The following KIF13B variants were observed in gnomAD, a reference collection of about 807,000 sequenced individuals.
KIF13B encodes kinesin family member 13B, also known as kinesin-like protein KIF13B.
A neutral mutation model predicts 222.0 loss-of-function variants in KIF13B; 127 were observed. The ratio of observed to expected loss-of-function variants is 0.57; its 90% confidence interval spans 0.50 to 0.66. The LOEUF (loss-of-function observed/expected upper bound fraction) is 0.66, where lower values mean the gene tolerates loss of function less well. Among genes scored for constraint, KIF13B ranks in the 30% least tolerant of loss-of-function variants. The pLI is 0.00. For synonymous variants in KIF13B, 976 were observed against 919.0 expected (o/e 1.06, Z -1.12); for missense variants, 2,173 against 2,379.0 (o/e 0.91, Z 1.80).
chr8:29,202,076 A>AT (rs1351492233), intron 2 of KIF13B, among the ~76,000 whole-genome samples: 1 of 152,242 alleles, frequency 6.6e-6, no homozygotes, highest in African/African-American at 2.4e-5. Context: ...AGCAACATTG[A>AT]TAAAGTAGAG....
At chr8:29,227,945 T>TA (rs201808288) in intron 2 of KIF13B, among the ~76,000 whole-genome samples, 2 of 151,920 alleles carry the variant, frequency 1.3e-5, no homozygotes, top group Admixed American at 1.3e-4. Context: ...AGCAAGACTT[T>TA]AAAAAAAATT....
chr8:29,154,455 C>T (rs544840124), intron 14 of KIF13B, among the ~76,000 whole-genome samples: 18 of 152,188 alleles, frequency 1.2e-4, no homozygotes, highest in Admixed American at 4.6e-4. Context: ...AAGATTTTGG[C>T]TCTGGGTGGA....
At chr8:29,225,143 AG>A (rs1814962220) in intron 2 of KIF13B, among the ~76,000 whole-genome samples, 2 of 152,334 alleles carry the variant, frequency 1.3e-5, no homozygotes, top group African/African-American at 4.8e-5. Context: ...TTGGAGTTGA[AG>A]CTGTTTCAGA....
Position 29,070,265 on chromosome 8 carries a change from G to A in KIF13B, c.*239C>T. 1 of 567,028 alleles carries A rather than the reference G, an allele frequency of 1.8e-6. No homozygotes were observed. The highest frequency in any genetic ancestry group is 3.1e-5 in the East Asian group (1 of 31,926). 35.1% of individuals were successfully genotyped at this position (567,028 alleles called of 1,614,324 possible). A position where few individuals can be genotyped will look rare whatever the true frequency, so the allele number is the denominator to read the frequency against. ...TCCTAGCATCCCCCAGCCCCTGCGG[G>A]CACCCAGAACCTTCCATCCACCTGA... On this transcript the variant is annotated 3_prime_UTR_variant, in exon 40 of 40. Transcript: ENST00000524189. The surrounding 1 kb of genome is among the most constrained non-coding windows in gnomAD (Gnocchi z 4.1).
chr8:29,090,513 C>T (rs1808248289), intron 37 of KIF13B, among the ~76,000 whole-genome samples: 1 of 152,068 alleles, frequency 6.6e-6, no homozygotes. Flanking sequence ...GTAAGTGTTT[C>T]CAGCATTATG....
At chr8:29,162,517 C>T (rs2130125659) in intron 12 of KIF13B, among the ~76,000 whole-genome samples, 1 of 152,288 alleles carries the variant, frequency 6.6e-6, no homozygotes, top group South Asian at 2.1e-4. Context: ...AAGTGATTCT[C>T]CTTGAAAAAG....
chr8:29,164,542 T>C (rs1007217574), intron 12 of KIF13B, among the ~76,000 whole-genome samples: 1 of 152,208 alleles, frequency 6.6e-6, no homozygotes, highest in Non-Finnish European at 1.5e-5. Flanking sequence ...GTTACTGCCA[T>C]CACCAGTTAC....
chr8:29,147,471 GCT>G lies in KIF13B; in HGVS notation c.1943_1944del (p.Lys648ThrfsTer25). The G allele has an allele frequency of 6.2e-7, 1 of 1,613,176 alleles. No homozygotes were observed. Among genetic ancestry groups the G allele is most frequent in the Non-Finnish European group, 8.5e-7 (1 of 1,179,594 alleles). On this transcript the variant is annotated frameshift_variant, in exon 17 of 40. Transcript: ENST00000524189. LOFTEE classifies it high-confidence loss of function. Reference protein sequence around the residue: ...EQLRRRLSPEKQNCRSMDRFS... With the variant: ...EQLRRRLSPEXQNCRSMDRFS... ...AACCTGTCCATGCTCCGGCAGTTCTGCTTCTCAGGAGACAGCCTTCTCCGGAG... is the reference window on the plus strand; with the variant it reads ...AACCTGTCCATGCTCCGGCAGTTCTGTCTCAGGAGACAGCCTTCTCCGGAG...
intron 2 of KIF13B, among the ~76,000 whole-genome samples, chr8:29,237,032 T>C (rs769680811): frequency 3.9e-5 from 6 of 152,206 alleles, no homozygotes; most frequent in Non-Finnish European, 5.9e-5. Context: ...AGCTTGATAC[T>C]TGGCACACTG....
At chr8:29,129,172 C>G (rs1004007304) in intron 24 of KIF13B, among the ~76,000 whole-genome samples, 2 of 152,092 alleles carry the variant, frequency 1.3e-5, no homozygotes, top group African/African-American at 4.8e-5. Flanking sequence ...CCTGATAAAC[C>G]AACATTTCTT....
At chr8:29,187,158 G>C (rs760063954) in intron 5 of KIF13B, among the ~76,000 whole-genome samples, 3 of 152,090 alleles carry the variant, frequency 2.0e-5, no homozygotes, top group Non-Finnish European at 2.9e-5. Context: ...TTCTCCCTGT[G>C]GACCCCAGAG....
intron 1 of KIF13B, among the ~76,000 whole-genome samples, chr8:29,253,823 T>A: frequency 2.0e-5 from 2 of 100,746 alleles, no homozygotes; most frequent in East Asian, 2.7e-4. Context: ...AGAGTGAGAC[T>A]GTCTCAAAAA....
intron 3 of KIF13B, among the ~76,000 whole-genome samples, chr8:29,195,342 C>T (rs1586910392): frequency 6.6e-6 from 1 of 152,104 alleles, no homozygotes; most frequent in South Asian, 2.1e-4. Flanking sequence ...AACCAGTGCC[C>T]TATTCGGCTT....
At chr8:29,229,586 A>G (rs1815194646) in intron 2 of KIF13B, among the ~76,000 whole-genome samples, 1 of 152,210 alleles carries the variant, frequency 6.6e-6, no homozygotes. Context: ...CACTTCTTGT[A>G]TTTCCAAGAA....
intron 7 of KIF13B, among the ~76,000 whole-genome samples, chr8:29,180,721 A>G (rs1261289604): frequency 6.6e-6 from 1 of 152,196 alleles, no homozygotes; most frequent in Non-Finnish European, 1.5e-5. Flanking sequence ...GAACCTCAAG[A>G]GACTAATTTT....
chr8:29,179,597 C>T (rs1380355979), intron 8 of KIF13B, among the ~76,000 whole-genome samples: 3 of 152,234 alleles, frequency 2.0e-5, no homozygotes, highest in Non-Finnish European at 4.4e-5. Flanking sequence ...GCTCAGGATA[C>T]ACCTGCTAGA....
intron 1 of KIF13B, among the ~76,000 whole-genome samples, chr8:29,251,687 A>G (rs1816290367): frequency 6.6e-6 from 1 of 152,168 alleles, no homozygotes; most frequent in African/African-American, 2.4e-5. Context: ...CTGCGAATAG[A>G]TGGTGGTGAT....
At chr8:29,213,614 G>A (rs761448297) in intron 2 of KIF13B, among the ~76,000 whole-genome samples, 1 of 152,260 alleles carries the variant, frequency 6.6e-6, no homozygotes, top group African/African-American at 2.4e-5. Flanking sequence ...GGCATTTCCT[G>A]GAGGCAACTG....
chr8:29,160,971 C>A, intron 12 of KIF13B, 104 bp from the exon 13 acceptor site: 1 of 906,612 alleles, frequency 1.1e-6, no homozygotes, highest in South Asian at 1.8e-5. Context: ...TGTTGTAATT[C>A]AAATACATTC....
Sources: allele counts gnomAD v4.1 joint callset (sites outside exome capture counted in the v4.1 genomes callset), GRCh38; gene constraint gnomAD v4.1.1; non-coding constraint Gnocchi (gnomAD v3.1); transcripts MANE v1.5; gene names NCBI Gene and HGNC (gene_info 2026-07-23, HGNC 2026-07-21).